ZNF804A: variants seen among roughly 807,000 people sequenced by gnomAD.
ZNF804A encodes zinc finger protein 804A.
ZNF804A carries 2 observed loss-of-function variants against 16.5 expected under a neutral mutation model. That is an observed-to-expected ratio of 0.12 (90% CI 0.05 to 0.38). The LOEUF is 0.38. Among genes scored for constraint, ZNF804A ranks in the 10% least tolerant of loss-of-function variants. ZNF804A has a pLI of 0.99. For synonymous variants in ZNF804A, 534 were observed against 489.6 expected, an observed-to-expected ratio of 1.09 and a Z score of -1.20; for missense variants, 1,473 against 1,390.7, an observed-to-expected ratio of 1.06 and a Z score of -0.94.
chr2:184,840,442 C>T (rs563553293), intron 1 of ZNF804A, among the ~76,000 whole-genome samples: 7 of 151,894 alleles, frequency 4.6e-5, no homozygotes, highest in Non-Finnish European at 1.0e-4. Context: ...TTATTCTCTG[C>T]AAAAATCAGT....
chr2:184,761,172 A>G (rs1418339327), intron 1 of ZNF804A, among the ~76,000 whole-genome samples: 2 of 152,164 alleles, frequency 1.3e-5, no homozygotes, highest in Non-Finnish European at 2.9e-5. Flanking sequence ...CAAGAGATAA[A>G]GCTGGTCTGT....
intron 1 of ZNF804A, among the ~76,000 whole-genome samples, chr2:184,633,014 T>A (rs1311444122): frequency 6.6e-6 from 1 of 152,144 alleles, no homozygotes; most frequent in African/African-American, 2.4e-5. Context: ...AGCTTCGGCT[T>A]TGCTTACCAA....
chr2:184,833,130 T>G (rs557638016), intron 1 of ZNF804A, among the ~76,000 whole-genome samples: 100 of 152,140 alleles, frequency 6.6e-4, no homozygotes, highest in Middle Eastern at 3.4e-3. Flanking sequence ...CCCCAAAGTT[T>G]TCTACTCTCA....
intron 1 of ZNF804A, among the ~76,000 whole-genome samples, chr2:184,699,387 A>G (rs1692884407): frequency 6.6e-6 from 1 of 152,178 alleles, no homozygotes; most frequent in African/African-American, 2.4e-5. Context: ...ACCATTATGC[A>G]TAATGATGTA....
At chr2:184,816,969 T>A (rs1488607152) in intron 1 of ZNF804A, among the ~76,000 whole-genome samples, 1 of 152,034 alleles carries the variant, frequency 6.6e-6, no homozygotes, top group African/African-American at 2.4e-5. Flanking sequence ...ATATCTTAAG[T>A]ACTTCAGCCA....
intron 1 of ZNF804A, among the ~76,000 whole-genome samples, chr2:184,833,472 C>T (rs1469880023): frequency 6.6e-6 from 1 of 152,032 alleles, no homozygotes; most frequent in Non-Finnish European, 1.5e-5. Flanking sequence ...CTAATGTGAC[C>T]TCAGAACAGA....
rs910871752 is a variant in ZNF804A at position 184,695,443 on chromosome 2, C to T, written c.111+96373C>T. ...GCCACTGCACTCCAGTCAGCCTGGGCGACAGAGCGAGACTCCGTCATTAAA... is the reference window on the plus strand; with the variant it reads ...GCCACTGCACTCCAGTCAGCCTGGGTGACAGAGCGAGACTCCGTCATTAAA... On this transcript the variant is annotated intron_variant, in intron 1 of 3. Transcript: ENST00000302277. 3.4e-5 allele frequency among the ~76,000 whole-genome samples: 4 copies of T among 116,538 alleles called. No homozygotes were observed. In the South Asian group the frequency reaches 8.6e-4, roughly 25 times the overall value. 76.5% of individuals were successfully genotyped at this position (116,538 alleles called of 152,430 possible).
chr2:184,612,610 T>A (rs1267340899), intron 1 of ZNF804A, among the ~76,000 whole-genome samples: 1 of 152,086 alleles, frequency 6.6e-6, no homozygotes. Context: ...AATTTTTGTA[T>A]TTTTAGTAGA....
intron 1 of ZNF804A, among the ~76,000 whole-genome samples, chr2:184,649,650 C>A (rs1444118209): frequency 6.6e-6 from 1 of 151,964 alleles, no homozygotes; most frequent in Non-Finnish European, 1.5e-5. Flanking sequence ...TACCCCTATA[C>A]ACACAAACTA....
intron 1 of ZNF804A, among the ~76,000 whole-genome samples, chr2:184,609,315 G>A (rs73041391): frequency 0.032 from 4,931 of 152,284 alleles, 274 homozygotes; most frequent in African/African-American, 0.11. Context: ...GACTACTGCT[G>A]TGACACTGAA....
chr2:184,694,316 T>C (rs4308093), intron 1 of ZNF804A, among the ~76,000 whole-genome samples: 43,538 of 151,864 alleles, frequency 0.29, 7,704 homozygotes, highest in African/African-American at 0.5. Flanking sequence ...AAAATTTCAG[T>C]GTCAAATGGA....
chr2:184,639,351 G>A (rs1316664784), intron 1 of ZNF804A, among the ~76,000 whole-genome samples: 1 of 151,818 alleles, frequency 6.6e-6, no homozygotes, highest in Non-Finnish European at 1.5e-5. Context: ...TGAGATTACA[G>A]GTATCAGCCA....
chr2:184,786,738 T>A (rs1694454713), intron 1 of ZNF804A, among the ~76,000 whole-genome samples: 1 of 151,982 alleles, frequency 6.6e-6, no homozygotes, highest in Non-Finnish European at 1.5e-5. Flanking sequence ...GTTGATTACT[T>A]TACTATAAAA....
intron 1 of ZNF804A, among the ~76,000 whole-genome samples, chr2:184,634,689 T>C (rs1039527220): frequency 2.0e-5 from 3 of 152,146 alleles, no homozygotes; most frequent in African/African-American, 7.2e-5. Context: ...GATTCCTACT[T>C]AGGGCCTTTA....
At chr2:184,662,018 G>A (rs888094691) in intron 1 of ZNF804A, among the ~76,000 whole-genome samples, 3 of 152,046 alleles carry the variant, frequency 2.0e-5, no homozygotes, top group African/African-American at 7.2e-5. Flanking sequence ...GATTCTTGGG[G>A]CACAACCCTG....
intron 1 of ZNF804A, among the ~76,000 whole-genome samples, chr2:184,638,677 A>T (rs2105691788): frequency 6.6e-6 from 1 of 152,372 alleles, no homozygotes; most frequent in South Asian, 2.1e-4. Flanking sequence ...ATTGTCACTG[A>T]ATGTGATTCA....
chr2:184,800,686 T>G (rs111915683), intron 1 of ZNF804A, among the ~76,000 whole-genome samples: 216 of 151,994 alleles, frequency 1.4e-3, no homozygotes, highest in African/African-American at 4.9e-3. Flanking sequence ...TTAACTAGTC[T>G]AAGTCCCTCA....
chr2:184,622,604 C>T (rs1691436793), intron 1 of ZNF804A, among the ~76,000 whole-genome samples: 3 of 151,714 alleles, frequency 2.0e-5, no homozygotes, highest in Admixed American at 2.0e-4. Context: ...GTGTATGTAT[C>T]AGCTTTTTGT....
chr2:184,848,152 T>C (rs1285949980), intron 1 of ZNF804A, among the ~76,000 whole-genome samples: 2 of 152,008 alleles, frequency 1.3e-5, no homozygotes, highest in Non-Finnish European at 1.5e-5. Context: ...GTCTTGGACT[T>C]TCTAGTGACC....
Sources: allele counts gnomAD v4.1 joint callset (sites outside exome capture counted in the v4.1 genomes callset), GRCh38; gene constraint gnomAD v4.1.1; transcripts MANE v1.5; gene names NCBI Gene and HGNC (gene_info 2026-07-23, HGNC 2026-07-21).